Variants in SYNE2 observed in about 807,000 individuals in gnomAD.
SYNE2 encodes nesprin-2.
In SYNE2, 431 loss-of-function variants were observed where a neutral mutation model predicts 856.3. The observed-to-expected ratio is 0.50, with a 90% confidence interval of 0.47 to 0.55. The LOEUF is 0.55. Among genes scored for constraint, SYNE2 ranks in the 20% least tolerant of loss-of-function variants. SYNE2 has a pLI of 0.00. For synonymous variants in SYNE2, 2,923 were observed against 2,872.3 expected, an observed-to-expected ratio of 1.02 and a Z score of -0.56; for missense variants, 8,129 against 8,023.2, an observed-to-expected ratio of 1.01 and a Z score of -0.50.
Position 64,134,082 on chromosome 14 carries a change from T to A in SYNE2, c.14528T>A (p.Phe4843Tyr), listed in dbSNP as rs141488398. ...TTGATTCTCTAGAAATGGGAAGAAT[T>A]TGATGAAAACTATGCATCTCTTGAA... Reference protein sequence around the residue: ...LQSLLQKWEEFDENYASLEKD... With the variant: ...LQSLLQKWEEYDENYASLEKD... The change falls in exon 78 of 116, where the codon TTT becomes TAT. Residue 4843 changes from phenylalanine to tyrosine, a missense_variant. This residue lies in a region of SYNE2 where 5,410 missense variants were observed against 5,284.8 expected (regional missense o/e 1.02). Coordinates refer to ENST00000555002, the MANE Select transcript of SYNE2 (RefSeq NM_182914.3). The A allele has an allele frequency of 7.8e-4, 1,253 of 1,614,116 alleles. 8 individuals carry two copies. Among genetic ancestry groups the A allele is most frequent in the South Asian group, 4.6e-3 (415 of 91,080 alleles).
chr14:64,200,115 C>T (rs1183172429), intron 99 of SYNE2, among the ~76,000 whole-genome samples: 2 of 151,984 alleles, frequency 1.3e-5, no homozygotes, highest in African/African-American at 4.8e-5. Context: ...TGAATTCTTC[C>T]GGTGTGTTAA....
At chr14:63,870,701 A>T (rs1459549991) in intron 1 of SYNE2, among the ~76,000 whole-genome samples, 2 of 150,362 alleles carry the variant, frequency 1.3e-5, no homozygotes, top group East Asian at 3.9e-4. Flanking sequence ...CCTCTAGTAT[A>T]TGGCAAAGCT....
rs34541826 is a variant in SYNE2 at position 64,159,372 on chromosome 14, G to A, written c.16024G>A (p.Gly5342Ser). 2.9e-5 allele frequency: 46 copies of A among 1,613,946 alleles called. No homozygotes were observed. Among genetic ancestry groups the A allele is most frequent in the South Asian group, 1.8e-4 (16 of 91,086 alleles). ...GSWEKLQEVIGKLKGLCPSVA... is the reference protein window; with the variant it reads ...GSWEKLQEVISKLKGLCPSVA... ...TTGGGAGAAACTCCAGGAGGTTATC[G>A]GCAAACTCAAAGGTCTCTGCCCCTC... The change falls in exon 87 of 116, where the codon GGC (glycine) becomes AGC (serine). Residue 5342 changes from glycine (G) to serine (S), a missense_variant. This residue lies in a region of SYNE2 where 5,410 missense variants were observed against 5,284.8 expected (regional missense o/e 1.02). Coordinates refer to ENST00000555002, the MANE Select transcript of SYNE2 (RefSeq NM_182914.3).
chr14:64,039,724 G>A (rs2097132641), intron 45 of SYNE2, among the ~76,000 whole-genome samples: 1 of 152,100 alleles, frequency 6.6e-6, no homozygotes, highest in African/African-American at 2.4e-5. Context: ...ATTATACTTT[G>A]TCTTGAGTTT....
intron 93 of SYNE2, among the ~76,000 whole-genome samples, chr14:64,169,679 G>A (rs188814799): frequency 1.6e-4 from 24 of 152,314 alleles, no homozygotes; most frequent in African/African-American, 5.5e-4. Flanking sequence ...AGCAGTAAAT[G>A]CAAGCCAGTT....
At chr14:64,039,081 AGACTGT>A in intron 45 of SYNE2, among the ~76,000 whole-genome samples, 1 of 152,302 alleles carries the variant, frequency 6.6e-6, no homozygotes, top group South Asian at 2.1e-4. Flanking sequence ...GCAGCCTCTG[AGACTGT>A]GTTGATCTGG....
At chr14:63,959,484 GA>G (rs1376472602) in intron 8 of SYNE2, among the ~76,000 whole-genome samples, 1 of 151,672 alleles carries the variant, frequency 6.6e-6, no homozygotes, top group South Asian at 2.1e-4. Flanking sequence ...TTTTAGTAGA[GA>G]GGGGGTTTCG....
chr14:63,887,031 C>T (rs758738888), intron 1 of SYNE2, among the ~76,000 whole-genome samples: 1 of 152,014 alleles, frequency 6.6e-6, no homozygotes, highest in Non-Finnish European at 1.5e-5. Flanking sequence ...GCCTGTAATC[C>T]CAGGACTTTG....
Position 63,944,824 on chromosome 14 carries a change from CTTTTTTTTTTTT to C in SYNE2, c.408+2695_408+2706del, listed in dbSNP as rs55906748. Among the ~76,000 whole-genome samples the C allele has an allele frequency of 3.2e-3, 148 of 46,952 alleles. 8 individuals are homozygous for C. The South Asian group carries it at 0.1, about 32-fold the overall frequency. 30.8% of individuals were successfully genotyped at this position (46,952 alleles called of 152,430 possible). On this transcript the variant is annotated intron_variant, in intron 6 of 115. Coordinates refer to ENST00000555002, the MANE Select transcript of SYNE2 (RefSeq NM_182914.3). ...GTGAGCCACCGTGCTGGGCTTAAAG[CTTTTTTTTTTTT>C]TTTTTTTTTTTTTGAAACTTCTGTA...
rs190560687 is a variant in SYNE2 at position 64,164,044 on chromosome 14, C to T, written c.16479+463C>T. Among the ~76,000 whole-genome samples, 394 of 152,118 alleles carry T rather than the reference C, an allele frequency of 2.6e-3. 1 individual carries two copies. The highest frequency in any genetic ancestry group is 8.6e-3 in the African/African-American group (357 of 41,506). Reference sequence around the variant, plus strand: ...AAGCGATTCTCCTGCCTCAGCCTCCCGGATAGCTGGGACTACAGGCACCCA... The same window carrying T: ...AAGCGATTCTCCTGCCTCAGCCTCCTGGATAGCTGGGACTACAGGCACCCA... On this transcript the variant is annotated intron_variant, in intron 89 of 115. Transcript: ENST00000555002.
chr14:64,139,383 G>T (rs371721553), intron 79 of SYNE2, among the ~76,000 whole-genome samples: 1 of 140,870 alleles, frequency 7.1e-6, no homozygotes, highest in African/African-American at 2.9e-5. Context: ...AAGAAATAAA[G>T]AATGCTTTAG....
intron 11 of SYNE2, among the ~76,000 whole-genome samples, chr14:63,972,049 A>G (rs2096483472): frequency 6.6e-6 from 1 of 152,334 alleles, no homozygotes; most frequent in South Asian, 2.1e-4. Flanking sequence ...TACTAAGTGT[A>G]TTAAATAGCA....
Position 64,078,512 on chromosome 14 carries a change from G to C in SYNE2, c.11069G>C (p.Arg3690Thr). ...LKSSPSYAMR[R>T]KIEEINNGLH... ...AGCTCACCATCATATGCAATGAGGA[G>C]AAAAATAGAAGAAATTAACAATGGG... Residue 3690 changes from arginine to threonine, a missense_variant, in exon 55 of 116, where the codon AGA becomes ACA. By Grantham distance (71) the Arg-to-Thr change is moderately conservative (BLOSUM62 -1). Transcript: ENST00000555002. The C allele has an allele frequency of 1.2e-6, 2 of 1,614,096 alleles. No homozygotes were observed. Among genetic ancestry groups the C allele is most frequent in the Non-Finnish European group, 8.5e-7 (1 of 1,179,982 alleles).
At chr14:64,124,604 A>G (rs1202439531) in intron 70 of SYNE2, among the ~76,000 whole-genome samples, 2 of 152,184 alleles carry the variant, frequency 1.3e-5, no homozygotes, top group East Asian at 1.9e-4. Flanking sequence ...TGTCCAAAAT[A>G]TTAAAACTTA....
intron 71 of SYNE2, among the ~76,000 whole-genome samples, chr14:64,125,463 G>C (rs561009981): frequency 6.6e-6 from 1 of 152,164 alleles, no homozygotes; most frequent in African/African-American, 2.4e-5. Flanking sequence ...GATGAGTGCC[G>C]TCTGCAGTGG....
At chr14:63,907,337 G>A (rs1480545228) in intron 1 of SYNE2, among the ~76,000 whole-genome samples, 1 of 152,144 alleles carries the variant, frequency 6.6e-6, no homozygotes, top group Non-Finnish European at 1.5e-5. Flanking sequence ...ATCATGTGTT[G>A]GTTTAGAGCA....
At chr14:63,988,676 A>C (rs983428564) in intron 19 of SYNE2, among the ~76,000 whole-genome samples, 23 of 152,220 alleles carry the variant, frequency 1.5e-4, no homozygotes, top group Non-Finnish European at 2.8e-4. Flanking sequence ...CAAAAGAAAG[A>C]GTTTTAATGG....
chr14:64,200,536 AG>A (rs1195571690), intron 99 of SYNE2, among the ~76,000 whole-genome samples: 1 of 152,194 alleles, frequency 6.6e-6, no homozygotes, highest in African/African-American at 2.4e-5. Context: ...TGGGGTGAGG[AG>A]GGTGTACCTC....
chr14:63,808,964 A>G (rs1888499113), intron 1 of SYNE2, among the ~76,000 whole-genome samples: 1 of 152,156 alleles, frequency 6.6e-6, no homozygotes, highest in African/African-American at 2.4e-5. Context: ...CAGAGGTTGC[A>G]GTGAGCTGAG....
Sources: allele counts gnomAD v4.1 joint callset (sites outside exome capture counted in the v4.1 genomes callset), GRCh38; gene constraint gnomAD v4.1.1; regional missense constraint gnomAD v4.1.1; transcripts MANE v1.5; gene names NCBI Gene and HGNC (gene_info 2026-07-23, HGNC 2026-07-21).